The following PRPSAP1 variants were observed in gnomAD, a reference collection of about 807,000 sequenced individuals.
The protein encoded by PRPSAP1 is phosphoribosyl pyrophosphate synthase-associated protein 1.
In PRPSAP1, 31 loss-of-function variants were observed where a neutral mutation model predicts 39.4. That is an observed-to-expected ratio of 0.79 (90% CI 0.59 to 1.06). The LOEUF is 1.06. Among genes scored for constraint, PRPSAP1 ranks in the 50% least tolerant of loss-of-function variants. The pLI is 0.00. For synonymous variants in PRPSAP1, 212 were observed against 192.6 expected (o/e 1.10, Z -0.83); for missense variants, 430 against 511.6 (o/e 0.84, Z 1.54).
intron 7 of PRPSAP1, among the ~76,000 whole-genome samples, chr17:76,328,268 C>T (rs139025671): frequency 2.6e-5 from 4 of 151,888 alleles, no homozygotes; most frequent in African/African-American, 4.8e-5. Flanking sequence ...TCTACATAGT[C>T]GATAACTCCT....
At chr17:76,345,614 A>AG (rs1451540808) in intron 2 of PRPSAP1, 1 of 156,166 alleles carries the variant, frequency 6.4e-6, no homozygotes, top group African/African-American at 2.4e-5. Context: ...CTGGAGAAAA[A>AG]AAAAAAAAAA....
In PRPSAP1 at chr17:76,317,663, T is replaced by C. The variant is rs555451270; in HGVS notation, c.782-3772A>G. ...ATTTAACATGCTCAAGAGGTGCCAA[T>C]GTCTGTTTTCACTTCAGTGGTGAAA... On this transcript the variant is annotated intron_variant, in intron 7 of 9. Transcript: ENST00000446526. Among the ~76,000 whole-genome samples, 187 of 152,362 alleles carry C rather than the reference T, an allele frequency of 1.2e-3. 1 individual carries two copies. The highest frequency in any genetic ancestry group is 3.8e-3 in the African/African-American group (157 of 41,582).
intron 7 of PRPSAP1, among the ~76,000 whole-genome samples, chr17:76,316,218 C>T (rs537622988): frequency 5.7e-4 from 85 of 150,010 alleles, no homozygotes; most frequent in African/African-American, 2.1e-3. Context: ...GATTGCAAGC[C>T]AATACCTCTC....
intron 1 of PRPSAP1, among the ~76,000 whole-genome samples, chr17:76,352,851 G>C (rs2071593502): frequency 6.6e-6 from 1 of 152,104 alleles, no homozygotes; most frequent in South Asian, 2.1e-4. Flanking sequence ...CTGACACAGA[G>C]CTAGTAAGTG....
At chr17:76,345,100 T>G (rs1451419676) in intron 2 of PRPSAP1, among the ~76,000 whole-genome samples, 1 of 151,780 alleles carries the variant, frequency 6.6e-6, no homozygotes, top group Non-Finnish European at 1.5e-5. Context: ...CCGGGCGTGG[T>G]GGCGGGTGCC....
intron 1 of PRPSAP1, among the ~76,000 whole-genome samples, chr17:76,351,455 C>A (rs890451648): frequency 1.3e-5 from 2 of 151,978 alleles, no homozygotes; most frequent in Non-Finnish European, 2.9e-5. Flanking sequence ...GCGTAGCCTG[C>A]AGTGAGCCGA....
chr17:76,338,214 G>A (rs1199245682), intron 3 of PRPSAP1, among the ~76,000 whole-genome samples: 1 of 152,028 alleles, frequency 6.6e-6, no homozygotes. Context: ...GCTATTCCAA[G>A]CAAAAACAGC....
chr17:76,320,730 G>C (rs537061387), intron 7 of PRPSAP1, among the ~76,000 whole-genome samples: 13 of 150,984 alleles, frequency 8.6e-5, no homozygotes, highest in Non-Finnish European at 1.6e-4. Context: ...AATTTTTACA[G>C]ATTGAAGTTT....
Position 76,311,467 on chromosome 17 carries a change from A to C in PRPSAP1, c.*75T>G, listed in dbSNP as rs2071069471. 2.0e-6 allele frequency: 3 copies of C among 1,488,982 alleles called. No individual in the cohort carries two copies. The South Asian group carries it at 4.0e-5, about 20-fold the overall frequency. The allele number at this position is 1,488,982 out of a possible 1,614,324, so 92.2% of individuals were successfully genotyped here. A position where few individuals can be genotyped will look rare whatever the true frequency, so the allele number is the denominator to read the frequency against. ...CTGTTTCGAGTCCTCCCTTGCAAGG[A>C]AACACTGTATCACTCATGGCACTGC... On this transcript the variant is annotated 3_prime_UTR_variant, in exon 10 of 10. Transcript: ENST00000446526.
At chr17:76,335,607 G>A (rs796360069) in intron 3 of PRPSAP1, among the ~76,000 whole-genome samples, 6 of 151,042 alleles carry the variant, frequency 4.0e-5, no homozygotes, top group Admixed American at 3.3e-4. Context: ...CAACCGCCTC[G>A]GCCTCCCAAA....
At chr17:76,315,821 T>C (rs1343157285) in intron 7 of PRPSAP1, among the ~76,000 whole-genome samples, 4 of 149,000 alleles carry the variant, frequency 2.7e-5, no homozygotes, top group Non-Finnish European at 5.9e-5. Flanking sequence ...CTCAAGCGAT[T>C]CTCCTGCTTC....
At chr17:76,340,705 A>G (rs2071426636) in intron 3 of PRPSAP1, among the ~76,000 whole-genome samples, 1 of 152,052 alleles carries the variant, frequency 6.6e-6, no homozygotes, top group South Asian at 2.1e-4. Flanking sequence ...AGCCTGACCA[A>G]CATGGAGAAA....
chr17:76,328,885 T>C (rs985653378), intron 6 of PRPSAP1, 23 bp from the exon 7 acceptor site: 1 of 1,587,334 alleles, frequency 6.3e-7, no homozygotes, highest in Admixed American at 1.9e-5. Context: ...AGGGAAATGG[T>C]GAAACTGACA....
intron 2 of PRPSAP1, chr17:76,345,920 T>C (rs1304203894): frequency 6.8e-6 from 3 of 439,448 alleles, no homozygotes; most frequent in Non-Finnish European, 1.3e-5. Context: ...TCTGTGAGGC[T>C]GTCTGCTAAA....
chr17:76,313,590 T>C (rs2071091289), intron 8 of PRPSAP1: 5 of 497,024 alleles, frequency 1.0e-5, no homozygotes, highest in Non-Finnish European at 1.4e-5. Context: ...AAGGTGAAGG[T>C]GCTGAATTTT....
At chr17:76,316,581 C>T (rs1211221819) in intron 7 of PRPSAP1, among the ~76,000 whole-genome samples, 1 of 152,158 alleles carries the variant, frequency 6.6e-6, no homozygotes, top group East Asian at 1.9e-4. Context: ...CTAAAAATTC[C>T]AGTTTTCATA....
chr17:76,318,464 T>C (rs1402698792), intron 7 of PRPSAP1, among the ~76,000 whole-genome samples: 1 of 151,890 alleles, frequency 6.6e-6, no homozygotes, highest in Non-Finnish European at 1.5e-5. Context: ...CAAGAATAGA[T>C]TTGAGGAAAA....
chr17:76,326,148 G>A (rs1233721679), intron 7 of PRPSAP1, among the ~76,000 whole-genome samples: 1 of 152,112 alleles, frequency 6.6e-6, no homozygotes, highest in Admixed American at 6.6e-5. Context: ...CCCACTGAAT[G>A]AAATAGGCCT....
In PRPSAP1 at chr17:76,339,165, G is replaced by A. The variant is rs866570025; in HGVS notation, c.290+5506C>T. ...CACGTCTATAATCTCAGCACTTTGG[G>A]AGGCCAAGGCGGGTGGATCACCTGA... On this transcript the variant is annotated intron_variant, in intron 3 of 9. Transcript: ENST00000446526. Among the ~76,000 whole-genome samples, 1,129 of 151,236 alleles carry A rather than the reference G, an allele frequency of 7.5e-3. 23 individuals are homozygous for A. The highest frequency in any genetic ancestry group is 0.027 in the African/African-American group (1,081 of 40,576).
Sources: gnomAD v4.1 joint callset for allele counts (sites outside exome capture counted in the v4.1 genomes callset) on GRCh38, gnomAD v4.1.1 for gene constraint, MANE v1.5 for transcripts, NCBI Gene and HGNC (gene_info 2026-07-23, HGNC 2026-07-21) for gene names.